CAPN13: variants seen among roughly 807,000 people sequenced by gnomAD.
CAPN13 encodes calpain-13.
CAPN13 carries 90 observed loss-of-function variants against 98.4 expected under a neutral mutation model. The ratio of observed to expected loss-of-function variants is 0.92; its 90% CI spans 0.77 to 1.09. The LOEUF (loss-of-function observed/expected upper bound fraction) is 1.09, where lower values mean the gene tolerates loss of function less well. Ranked by LOEUF, CAPN13 falls within the 50% of genes least tolerant of loss-of-function variation. The pLI is 0.00. For synonymous variants in CAPN13, 330 were observed against 305.5 expected, an observed-to-expected ratio of 1.08 and a Z score of -0.84; for missense variants, 887 against 841.3, an observed-to-expected ratio of 1.05 and a Z score of -0.67.
Position 30,777,597 on chromosome 2 carries a change from T to C in CAPN13, c.241A>G (p.Ser81Gly), listed in dbSNP as rs1413093451. 3 of 1,581,360 alleles carry C rather than the reference T, an allele frequency of 1.9e-6. No homozygotes were observed. The highest frequency in any genetic ancestry group is 1.7e-6 in the Non-Finnish European group (2 of 1,162,140). Reference protein sequence around the residue: ...GPPHFILDDISRFDIQQGGAA... With the variant: ...GPPHFILDDIGRFDIQQGGAA... ...CCTCCTTGTTGGATGTCAAATCTGC[T>C]TATATCATCCAGGATGAAGTGAGGA... The change falls in exon 3 of 23, where the codon AGC becomes GGC. Residue 81 changes from serine to glycine, a missense_variant. Physicochemically the swap from Ser to Gly is moderately conservative, Grantham distance 56. Coordinates refer to ENST00000295055, the MANE Select transcript of CAPN13 (RefSeq NM_144575.3).
intron 19 of CAPN13, 32 bp downstream of exon 19, chr2:30,734,417 T>G: frequency 6.3e-7 from 1 of 1,586,788 alleles, no homozygotes; most frequent in Non-Finnish European, 8.6e-7. Context: ...CCCCGGACCT[T>G]GGGCACCACA....
intron 7 of CAPN13, among the ~76,000 whole-genome samples, chr2:30,761,949 T>G (rs905580946): frequency 6.6e-6 from 1 of 152,228 alleles, no homozygotes; most frequent in African/African-American, 2.4e-5. Context: ...CAGTCCTTGG[T>G]CCATAAAGTC....
At position 30,740,239 on chromosome 2, in the gene CAPN13, C is replaced by T. The variant is rs141770157; in HGVS notation, c.1536+1669G>A. 4.0e-3 allele frequency among the ~76,000 whole-genome samples: 610 copies of T among 152,102 alleles called. 5 individuals carry two copies. The highest frequency in any genetic ancestry group is 0.014 in the African/African-American group (580 of 41,506). ...CCTCCCAAGTAGCTGGGACTACAGG[C>T]GTGCGCTACCATGCCCGGCTAATTT... is the stretch of plus-strand genomic sequence containing the variant. On this transcript the variant is annotated intron_variant, in intron 15 of 22. Coordinates refer to ENST00000295055, the MANE Select transcript of CAPN13 (RefSeq NM_144575.3).
intron 22 of CAPN13, among the ~76,000 whole-genome samples, chr2:30,724,917 G>T (rs192231704): frequency 0.039 from 5,893 of 152,222 alleles, 200 homozygotes; most frequent in East Asian, 0.14. Flanking sequence ...ATGGTTGTTG[G>T]TCTCAGTAAG....
At chr2:30,740,497 C>T (rs934810634) in intron 15 of CAPN13, among the ~76,000 whole-genome samples, 5 of 152,200 alleles carry the variant, frequency 3.3e-5, no homozygotes, top group Admixed American at 6.5e-5. Context: ...CTTTGGAGGA[C>T]ACAGACCCTG....
At chr2:30,782,058 T>C (rs570012006) in intron 2 of CAPN13, among the ~76,000 whole-genome samples, 1 of 152,244 alleles carries the variant, frequency 6.6e-6, no homozygotes, top group African/African-American at 2.4e-5. Context: ...TGTGTTATAT[T>C]AGGTATGTCA....
At chr2:30,777,672 C>T (rs1287175055) in intron 2 of CAPN13, 33 bp from the exon 3 acceptor site, 9 of 1,491,744 alleles carry the variant, frequency 6.0e-6, no homozygotes, top group South Asian at 6.0e-5. Context: ...CTATGAACAT[C>T]GTTTATTCCT....
chr2:30,729,351 C>T (rs1343566207), intron 22 of CAPN13, among the ~76,000 whole-genome samples: 2 of 152,182 alleles, frequency 1.3e-5, no homozygotes, highest in Non-Finnish European at 2.9e-5. Context: ...CTAATATTAT[C>T]CTTCCTTCTG....
At chr2:30,726,697 A>G (rs1329824401) in intron 22 of CAPN13, among the ~76,000 whole-genome samples, 1 of 152,182 alleles carries the variant, frequency 6.6e-6, no homozygotes, top group Non-Finnish European at 1.5e-5. Context: ...AAAACTGTAA[A>G]TCATTGTTCA....
At chr2:30,790,661 C>T (rs978337023) in intron 1 of CAPN13, among the ~76,000 whole-genome samples, 1 of 152,132 alleles carries the variant, frequency 6.6e-6, no homozygotes, top group Non-Finnish European at 1.5e-5. Flanking sequence ...TACCACCAAC[C>T]GAGGGGCTTA....
intron 1 of CAPN13, among the ~76,000 whole-genome samples, chr2:30,787,559 A>G (rs1337951924): frequency 6.6e-6 from 1 of 152,242 alleles, no homozygotes; most frequent in Non-Finnish European, 1.5e-5. Context: ...AAGCTGCTGT[A>G]CAAAACAGCT....
chr2:30,771,542 T>C (rs956505103), intron 4 of CAPN13, among the ~76,000 whole-genome samples: 1 of 152,232 alleles, frequency 6.6e-6, no homozygotes, highest in Admixed American at 6.5e-5. Context: ...TGTGTTCCTA[T>C]TGCAGTGAGC....
At chr2:30,732,612 G>A in intron 19 of CAPN13, 46 bp from the exon 20 acceptor site, 2 of 1,577,780 alleles carry the variant, frequency 1.3e-6, no homozygotes, top group Non-Finnish European at 8.6e-7. Context: ...CTAGGGCTCG[G>A]GGGTTCCTCT....
chr2:30,756,807 G>A (rs984272620), intron 8 of CAPN13, among the ~76,000 whole-genome samples: 8 of 152,330 alleles, frequency 5.3e-5, no homozygotes, highest in East Asian at 3.9e-4. Context: ...TCGGCTGCCC[G>A]ATTCTCGCAG....
At chr2:30,744,048 CT>C (rs1239603847) in intron 12 of CAPN13, among the ~76,000 whole-genome samples, 4 of 152,224 alleles carry the variant, frequency 2.6e-5, no homozygotes, top group Admixed American at 2.6e-4. Flanking sequence ...GAGATTCCTT[CT>C]CATTGGAGAA....
intron 1 of CAPN13, among the ~76,000 whole-genome samples, chr2:30,792,680 AG>A (rs955222214): frequency 4.6e-5 from 7 of 152,034 alleles, no homozygotes; most frequent in Admixed American, 3.3e-4. Flanking sequence ...AAAATAGAGG[AG>A]AAGGGAAATA....
chr2:30,758,401 C>T (rs1438285118), intron 7 of CAPN13, among the ~76,000 whole-genome samples: 1 of 152,258 alleles, frequency 6.6e-6, no homozygotes, highest in Admixed American at 6.5e-5. Flanking sequence ...TTCCCTAAGA[C>T]TGAATCCCAG....
intron 7 of CAPN13, among the ~76,000 whole-genome samples, chr2:30,759,151 C>CT (rs201942723): frequency 4.3e-4 from 4 of 9,334 alleles, no homozygotes; most frequent in Non-Finnish European, 1.2e-3. Context: ...CTTCCCCTTC[C>CT]TTTTTTCCTC....
intron 1 of CAPN13, among the ~76,000 whole-genome samples, chr2:30,794,951 T>C (rs1476658641): frequency 6.6e-6 from 1 of 152,004 alleles, no homozygotes; most frequent in Non-Finnish European, 1.5e-5. Context: ...AGTGTCATGA[T>C]GATTTCACAT....
Sources: gnomAD v4.1 joint callset for allele counts (sites outside exome capture counted in the v4.1 genomes callset) on GRCh38, gnomAD v4.1.1 for gene constraint, MANE v1.5 for transcripts, NCBI Gene and HGNC (gene_info 2026-07-23, HGNC 2026-07-21) for gene names.